RCSD1: variants seen among roughly 807,000 people sequenced by gnomAD.
The protein encoded by RCSD1 is capZ-interacting protein.
A neutral mutation model predicts 42.5 loss-of-function variants in RCSD1; 26 were observed. That is an observed-to-expected ratio of 0.61 (90% CI 0.45 to 0.85). The LOEUF (loss-of-function observed/expected upper bound fraction) is 0.85, where lower values mean the gene tolerates loss of function less well. Among genes scored for constraint, RCSD1 ranks in the 40% least tolerant of loss-of-function variants. The pLI is 0.00. For missense variants in RCSD1, 571 were observed against 528.3 expected, an observed-to-expected ratio of 1.08 and a Z score of -0.79; for synonymous variants, 220 against 212.2, an observed-to-expected ratio of 1.04 and a Z score of -0.32.
At chr1:167,683,333 C>T (rs1659130222) in intron 1 of RCSD1, among the ~76,000 whole-genome samples, 1 of 152,202 alleles carries the variant, frequency 6.6e-6, no homozygotes, top group African/African-American at 2.4e-5. Flanking sequence ...TGCCCCAGGT[C>T]CCCAGGCTGG....
At chr1:167,651,551 C>T (rs371036324) in intron 1 of RCSD1, among the ~76,000 whole-genome samples, 1 of 152,216 alleles carries the variant, frequency 6.6e-6, no homozygotes, top group Non-Finnish European at 1.5e-5. Flanking sequence ...ACTCATGTCA[C>T]GCCTTTCTAA....
chr1:167,684,109 T>C (rs1438643337), intron 2 of RCSD1, 108 bp downstream of exon 2: 15 of 855,560 alleles, frequency 1.8e-5, no homozygotes, highest in Non-Finnish European at 2.4e-5. Context: ...GTTACCAAAT[T>C]AGGAAGAGAA....
intron 1 of RCSD1, among the ~76,000 whole-genome samples, chr1:167,678,803 T>C (rs1248609583): frequency 6.6e-6 from 1 of 152,200 alleles, no homozygotes; most frequent in Non-Finnish European, 1.5e-5. Context: ...CCGCCCCCTC[T>C]TGTTGTCCCT....
At chr1:167,660,582 C>T (rs1658519697) in intron 1 of RCSD1, among the ~76,000 whole-genome samples, 1 of 152,058 alleles carries the variant, frequency 6.6e-6, no homozygotes, top group Non-Finnish European at 1.5e-5. Context: ...CCACCTCAGC[C>T]TCTTGAATAC....
intron 1 of RCSD1, among the ~76,000 whole-genome samples, chr1:167,631,484 C>A (rs1657695233): frequency 6.6e-6 from 1 of 152,100 alleles, no homozygotes; most frequent in Non-Finnish European, 1.5e-5. Context: ...CCCTGGTGGT[C>A]TTTTTATTTT....
At chr1:167,682,172 C>CTTTT (rs375451420) in intron 1 of RCSD1, among the ~76,000 whole-genome samples, 62 of 140,528 alleles carry the variant, frequency 4.4e-4, no homozygotes, top group African/African-American at 1.6e-3. Flanking sequence ...TAAACGAAGC[C>CTTTT]TTTTTTTTTT....
intron 3 of RCSD1, among the ~76,000 whole-genome samples, chr1:167,689,488 AAAAAAAAAAG>A (rs1351884494): frequency 6.8e-6 from 1 of 147,158 alleles, no homozygotes; most frequent in Non-Finnish European, 1.5e-5. Context: ...CTCAAAAAAA[AAAAAAAAAAG>A]AAAAGAAAAG....
chr1:167,699,927 G>A (rs1222203261), intron 6 of RCSD1, among the ~76,000 whole-genome samples: 2 of 152,144 alleles, frequency 1.3e-5, no homozygotes, highest in African/African-American at 4.8e-5. Flanking sequence ...CTCAGTCTAA[G>A]TGGACCTCCC....
Position 167,697,637 on chromosome 1 carries a change from A to G in RCSD1, c.1013A>G (p.Lys338Arg), listed in dbSNP as rs763573411. The G allele has an allele frequency of 2.5e-6, 4 of 1,606,598 alleles. No homozygotes were observed. The highest frequency in any genetic ancestry group is 3.4e-6 in the Non-Finnish European group (4 of 1,176,686). The change falls in exon 6 of 7, where the codon AAG (lysine) becomes AGG (arginine). Residue 338 changes from lysine to arginine, a missense_variant. By Grantham distance (26) the Lys-to-Arg change is conservative. Transcript: ENST00000367854. Reference protein sequence around the residue: ...GPEHDSQETKKLEEGAAVKET... With the variant: ...GPEHDSQETKRLEEGAAVKET... ...GAACATGACAGCCAAGAAACAAAGA[A>G]GCTGGAGGAGGGAGCTGCAGTGAAG...
At chr1:167,665,144 A>C (rs1329812460) in intron 1 of RCSD1, 2 of 151,980 alleles carry the variant, frequency 1.3e-5, no homozygotes, top group Non-Finnish European at 2.9e-5. Context: ...CACTGGTCCC[A>C]CGCAATCAGT....
intron 1 of RCSD1, among the ~76,000 whole-genome samples, chr1:167,669,157 G>T (rs1388229933): frequency 2.0e-5 from 3 of 152,160 alleles, no homozygotes; most frequent in Non-Finnish European, 2.9e-5. Context: ...TCTAAACACT[G>T]GAAACACCTT....
chr1:167,691,572 C>T (rs2101715975), intron 4 of RCSD1, among the ~76,000 whole-genome samples: 1 of 152,350 alleles, frequency 6.6e-6, no homozygotes, highest in Middle Eastern at 3.4e-3. Flanking sequence ...ACCTCCCATC[C>T]AGGCCCAACT....
At position 167,694,355 on chromosome 1, in the gene RCSD1, G is replaced by A. The variant is rs74678986; in HGVS notation, c.474+53G>A. 1,247 of 1,522,964 alleles carry A rather than the reference G, an allele frequency of 8.2e-4. 11 individuals carry two copies. The African/African-American group carries it at 0.014, about 17-fold the overall frequency. The allele number at this position is 1,522,964 out of a possible 1,614,324, so 94.3% of individuals were successfully genotyped here. On this transcript the variant is annotated intron_variant, in intron 5 of 6. Transcript: ENST00000367854. ...TGTGTCTGTGGAAATGTGGGCACTG[G>A]CACCCCTGAATTTTCTCTACCCTGT... is the stretch of plus-strand genomic sequence containing the variant.
chr1:167,703,760 G>T (rs1443742142), intron 6 of RCSD1, among the ~76,000 whole-genome samples: 1 of 152,146 alleles, frequency 6.6e-6, no homozygotes, highest in Non-Finnish European at 1.5e-5. Flanking sequence ...CAGCCAGCCT[G>T]CACCCTCCAC....
At chr1:167,660,075 A>G (rs746909893) in intron 1 of RCSD1, among the ~76,000 whole-genome samples, 2 of 152,176 alleles carry the variant, frequency 1.3e-5, no homozygotes, top group African/African-American at 2.4e-5. Context: ...ATAGATTCCA[A>G]ATACCTTGGC....
chr1:167,694,862 C>A (rs1659458318), intron 5 of RCSD1, among the ~76,000 whole-genome samples: 1 of 152,108 alleles, frequency 6.6e-6, no homozygotes, highest in Non-Finnish European at 1.5e-5. Flanking sequence ...CAACCCTGAT[C>A]CTCTGTGTGA....
intron 1 of RCSD1, among the ~76,000 whole-genome samples, chr1:167,646,329 G>C (rs951883138): frequency 1.3e-5 from 2 of 151,912 alleles, no homozygotes; most frequent in African/African-American, 4.8e-5. Context: ...CGGCTATAAG[G>C]AGAGAAGCAG....
At chr1:167,636,689 C>A (rs933153501) in intron 1 of RCSD1, among the ~76,000 whole-genome samples, 2 of 152,146 alleles carry the variant, frequency 1.3e-5, no homozygotes, top group African/African-American at 4.8e-5. Context: ...CGGGTTCAGG[C>A]AATTCTCCTG....
chr1:167,661,533 C>T (rs1658542417), intron 1 of RCSD1, among the ~76,000 whole-genome samples: 1 of 152,236 alleles, frequency 6.6e-6, no homozygotes. Flanking sequence ...CCTGGATCCT[C>T]TCTGGGTGTA....
Sources: gnomAD v4.1 joint callset for allele counts (sites outside exome capture counted in the v4.1 genomes callset) on GRCh38, gnomAD v4.1.1 for gene constraint, MANE v1.5 for transcripts, NCBI Gene and HGNC (gene_info 2026-07-23, HGNC 2026-07-21) for gene names.